Variants in RBM20 observed in about 807,000 individuals in gnomAD.
RBM20 encodes the protein RNA-binding protein 20.
In RBM20, 51 loss-of-function variants were observed where a neutral mutation model predicts 110.1. That is an observed-to-expected ratio of 0.46 (90% CI 0.37 to 0.59). The LOEUF is 0.59. RBM20 is among the 20% of genes least tolerant of loss of function. RBM20 has a pLI of 0.00. For missense variants in RBM20, 1,512 were observed against 1,574.9 expected (o/e 0.96, Z 0.68); for synonymous variants, 589 against 618.2 (o/e 0.95, Z 0.70).
chr10:110,732,558 CCCT>C (rs1843630184), intron 1 of RBM20, among the ~76,000 whole-genome samples: 1 of 152,166 alleles, frequency 6.6e-6, no homozygotes, highest in Non-Finnish European at 1.5e-5. Flanking sequence ...TGAAATCATT[CCCT>C]AAATTTCTTT....
At chr10:110,773,734 CTT>C (rs893245071) in intron 1 of RBM20, among the ~76,000 whole-genome samples, 1 of 152,180 alleles carries the variant, frequency 6.6e-6, no homozygotes, top group African/African-American at 2.4e-5. Flanking sequence ...GATCAGTTCT[CTT>C]TGGCAGGTTT....
chr10:110,758,594 T>A (rs1384801794), intron 1 of RBM20, among the ~76,000 whole-genome samples: 1 of 152,026 alleles, frequency 6.6e-6, no homozygotes, highest in Non-Finnish European at 1.5e-5. Flanking sequence ...TGAGACTCAG[T>A]CACATGAAGA....
intron 1 of RBM20, among the ~76,000 whole-genome samples, chr10:110,681,987 T>C (rs143550462): frequency 0.078 from 11,916 of 152,218 alleles, 643 homozygotes; most frequent in Non-Finnish European, 0.11. Context: ...CCTCCCGGGT[T>C]CAGATGATTC....
intron 12 of RBM20, 26 bp from the exon 13 acceptor site, chr10:110,831,035 C>A (rs766782602): frequency 1.8e-5 from 27 of 1,542,620 alleles, no homozygotes; most frequent in South Asian, 1.6e-4. Context: ...CCTAACCCTG[C>A]GTGTCTATCC....
intron 1 of RBM20, among the ~76,000 whole-genome samples, chr10:110,656,334 T>G (rs1426432349): frequency 1.3e-5 from 2 of 151,946 alleles, no homozygotes; most frequent in Non-Finnish European, 2.9e-5. Flanking sequence ...CACCCCACAA[T>G]GTTTCTTCAT....
At chr10:110,758,330 C>T (rs2134997066) in intron 1 of RBM20, among the ~76,000 whole-genome samples, 1 of 152,094 alleles carries the variant, frequency 6.6e-6, no homozygotes, top group African/African-American at 2.4e-5. Context: ...GATCCCTGTT[C>T]CTATGGAGCT....
At chr10:110,662,548 A>G (rs1862119491) in intron 1 of RBM20, among the ~76,000 whole-genome samples, 1 of 152,256 alleles carries the variant, frequency 6.6e-6, no homozygotes, top group Admixed American at 6.5e-5. Flanking sequence ...AGCATGTAAA[A>G]CATATCACTT....
At position 110,663,203 on chromosome 10, in the gene RBM20, C is replaced by T. The variant is rs144569170; in HGVS notation, c.191+18558C>T. Among the ~76,000 whole-genome samples, 275 of 152,262 alleles carry T rather than the reference C, an allele frequency of 1.8e-3. 2 individuals are homozygous for T. The highest frequency in any genetic ancestry group is 6.5e-3 in the African/African-American group (270 of 41,552). On this transcript the variant is annotated intron_variant, in intron 1 of 13. Transcript: ENST00000369519. ...GACCTCCTGAGCTCAGGCAATCCAC[C>T]TGCCTCAGCCTCCCAAAGGGCTAGG...
At chr10:110,681,875 T>G (rs888137388) in intron 1 of RBM20, among the ~76,000 whole-genome samples, 1 of 151,546 alleles carries the variant, frequency 6.6e-6, no homozygotes, top group Non-Finnish European at 1.5e-5. Flanking sequence ...CTTTTCCTTT[T>G]CTTTTCTGCT....
In RBM20 at chr10:110,652,279, T is replaced by C. The variant is rs189459987; in HGVS notation, c.191+7634T>C. The stretch of plus-strand genomic sequence containing the variant: ...ATGTGTATGAGTGTGTGCTGGTGCC[T>C]GCCAGCCTTAAAAAACATCTGAAGA... On this transcript the variant is annotated intron_variant, in intron 1 of 13. Transcript: ENST00000369519. Among the ~76,000 whole-genome samples the C allele has an allele frequency of 1.2e-4, 18 of 152,282 alleles. No homozygotes were observed. The East Asian group carries it at 2.5e-3, about 21-fold the overall frequency.
intron 1 of RBM20, among the ~76,000 whole-genome samples, chr10:110,698,130 G>C (rs185775511): frequency 6.6e-6 from 1 of 151,958 alleles, no homozygotes; most frequent in Non-Finnish European, 1.5e-5. Context: ...GGATAGTCTC[G>C]ATCTCCTGAC....
intron 12 of RBM20, among the ~76,000 whole-genome samples, chr10:110,828,522 G>A (rs1845009996): frequency 6.6e-6 from 1 of 152,216 alleles, no homozygotes; most frequent in Non-Finnish European, 1.5e-5. Flanking sequence ...TGGCCTTGGG[G>A]AGAGGTTGGG....
chr10:110,781,131 C>G lies in RBM20; in HGVS notation c.522C>G (p.Pro174=), dbSNP rs890687647. ...FPSNAIAFSP[P]SQTRGPGPSM... Reference sequence around the variant, plus strand: ...CTAATGCAATTGCCTTTTCACCCCCCAGCCAGACACGAGGCCCCGGACCCT... The same window carrying G: ...CTAATGCAATTGCCTTTTCACCCCCGAGCCAGACACGAGGCCCCGGACCCT... Residue 174 remains proline, a synonymous_variant, in exon 2 of 14, where the codon CCC becomes CCG. Coordinates refer to ENST00000369519, the MANE Select transcript of RBM20 (RefSeq NM_001134363.3). 9 of 1,551,818 alleles carry G rather than the reference C, an allele frequency of 5.8e-6. No individual in the cohort carries two copies. The Middle Eastern group carries it at 8.3e-4, about 144-fold the overall frequency.
At chr10:110,814,039 T>C (rs1489029296) in intron 9 of RBM20, among the ~76,000 whole-genome samples, 1 of 152,060 alleles carries the variant, frequency 6.6e-6, no homozygotes. Context: ...ATAAGTGAGG[T>C]TTGGCAATAT....
intron 1 of RBM20, among the ~76,000 whole-genome samples, chr10:110,709,301 G>A (rs1862887213): frequency 3.3e-5 from 5 of 152,116 alleles, no homozygotes; most frequent in African/African-American, 1.2e-4. Flanking sequence ...AAAGACCCAG[G>A]GGATGACCCT....
chr10:110,782,811 C>G (rs1844371357), intron 2 of RBM20, among the ~76,000 whole-genome samples: 1 of 152,134 alleles, frequency 6.6e-6, no homozygotes, highest in Non-Finnish European at 1.5e-5. Flanking sequence ...CACACTGCAG[C>G]ATGTCATTCA....
At chr10:110,823,128 G>A (rs1844935684) in intron 11 of RBM20, among the ~76,000 whole-genome samples, 1 of 151,776 alleles carries the variant, frequency 6.6e-6, no homozygotes, top group Admixed American at 6.6e-5. Flanking sequence ...ATTTTTGCCC[G>A]TCAGTAATTC....
At chr10:110,834,966 G>A (rs1845104603) in intron 13 of RBM20, among the ~76,000 whole-genome samples, 1 of 152,162 alleles carries the variant, frequency 6.6e-6, no homozygotes, top group South Asian at 2.1e-4. Context: ...AGCCCTCAAC[G>A]ATAGAATAGA....
intron 1 of RBM20, among the ~76,000 whole-genome samples, chr10:110,751,282 T>G (rs540201662): frequency 6.6e-6 from 1 of 152,290 alleles, no homozygotes; most frequent in South Asian, 2.1e-4. Context: ...GGGCCCCTCT[T>G]TACCACAGGA....
Sources: gnomAD v4.1 joint callset for allele counts (sites outside exome capture counted in the v4.1 genomes callset) on GRCh38, gnomAD v4.1.1 for gene constraint, MANE v1.5 for transcripts, NCBI Gene and HGNC (gene_info 2026-07-23, HGNC 2026-07-21) for gene names.